CSF2RA: variants seen among roughly 807,000 people sequenced by gnomAD.
CSF2RA encodes granulocyte-macrophage colony-stimulating factor receptor subunit alpha.
A neutral mutation model predicts 51.6 loss-of-function variants in CSF2RA; 42 were observed. The ratio of observed to expected loss-of-function variants is 0.81; its 90% confidence interval spans 0.64 to 1.05. CSF2RA has a LOEUF of 1.05. Among genes scored for constraint, CSF2RA ranks in the 50% least tolerant of loss-of-function variants. CSF2RA has a pLI of 0.00. For missense variants in CSF2RA, 530 were observed against 501.1 expected, an observed-to-expected ratio of 1.06 and a Z score of -0.55; for synonymous variants, 222 against 193.0, an observed-to-expected ratio of 1.15 and a Z score of -1.24.
At chrX:1,324,024 A>G in the CSF2RA span, among the ~76,000 whole-genome samples, 1 of 151,892 alleles carries the variant, frequency 6.6e-6, no homozygotes, top group African/African-American at 2.4e-5. Context: ...AAAAAAAAAA[A>G]AATGCAAAAA....
intron 4 of CSF2RA, among the ~76,000 whole-genome samples, chrX:1,286,395 C>A (rs62603281): frequency 2.0e-5 from 3 of 151,658 alleles, no homozygotes; most frequent in Non-Finnish European, 4.4e-5. Context: ...ATGGTGAAAC[C>A]CCATCTCTAC....
At chrX:1,277,976 C>CAAA (rs1329295237) in intron 2 of CSF2RA, among the ~76,000 whole-genome samples, 1,685 of 104,998 alleles carry the variant, frequency 0.016, 54 homozygotes, top group African/African-American at 0.064. Flanking sequence ...GACTCAGTCT[C>CAAA]AAAAAAAAAA....
intron 9 of CSF2RA, among the ~76,000 whole-genome samples, chrX:1,299,335 T>C (rs1433241249): frequency 6.6e-6 from 1 of 152,152 alleles, no homozygotes; most frequent in Non-Finnish European, 1.5e-5. Flanking sequence ...GTCCGATGAG[T>C]ATGCTAGACT....
At chrX:1,283,163 CTTCG>C (rs1334444499) in intron 3 of CSF2RA, among the ~76,000 whole-genome samples, 306 of 28,222 alleles carry the variant, frequency 0.011, 5 homozygotes, top group East Asian at 0.027. Context: ...TCGTTCCTTC[CTTCG>C]TTCCTTCCTT....
At chrX:1,317,246 CTTT>C in the CSF2RA span, among the ~76,000 whole-genome samples, 4 of 57,828 alleles carry the variant, frequency 6.9e-5, no homozygotes, top group Admixed American at 9.1e-4. Flanking sequence ...CCACGCTCAG[CTTT>C]TTTTTTTTTT....
At chrX:1,283,734 AT>A (rs1172741391) in intron 3 of CSF2RA, among the ~76,000 whole-genome samples, 5 of 151,288 alleles carry the variant, frequency 3.3e-5, no homozygotes, top group Non-Finnish European at 5.9e-5. Context: ...GGCCCAGCTA[AT>A]TTTTTTGTAT....
At position 1,290,220 on chromosome X, in the gene CSF2RA, G is replaced by T. The variant is rs757326428; in HGVS notation, c.474-117G>T. On this transcript the variant is annotated intron_variant, in intron 6 of 12. Transcript: ENST00000381529. Reference sequence around the variant, plus strand: ...TTTTTTTGTTTTGTGTTTTTGTTTTGTGTTTTTGTGTTTTGTGTTTTTGTG... The same window carrying T: ...TTTTTTTGTTTTGTGTTTTTGTTTTTTGTTTTTGTGTTTTGTGTTTTTGTG... 685 of 767,588 alleles carry T rather than the reference G, an allele frequency of 8.9e-4. 9 individuals carry two copies. The South Asian group carries it at 0.011, about 12-fold the overall frequency. The allele number at this position is 767,588 out of a possible 1,614,324, so 47.5% of individuals were successfully genotyped here.
chrX:1,322,448 T>TTTG, the CSF2RA span, among the ~76,000 whole-genome samples: 1 of 149,036 alleles, frequency 6.7e-6, no homozygotes, highest in Non-Finnish European at 1.5e-5. Flanking sequence ...TGTTTTTTTT[T>TTTG]TTTTTTTTTT....
downstream of CSF2RA, among the ~76,000 whole-genome samples, chrX:1,314,463 G>T (rs1457998497): frequency 6.9e-6 from 1 of 145,696 alleles, no homozygotes; most frequent in South Asian, 2.1e-4. Context: ...CACTGCACCT[G>T]CCCAACCCCA....
downstream of CSF2RA, among the ~76,000 whole-genome samples, chrX:1,310,601 G>C (rs186931124): frequency 1.3e-5 from 2 of 150,658 alleles, no homozygotes; most frequent in Admixed American, 1.3e-4. Flanking sequence ...CCGGGAGGAG[G>C]AGGTTGCAGT....
chrX:1,305,233 C>T (rs757633106), intron 11 of CSF2RA, among the ~76,000 whole-genome samples: 4 of 151,968 alleles, frequency 2.6e-5, no homozygotes, highest in East Asian at 1.9e-4. Flanking sequence ...GTGATCCACC[C>T]GCCTCGGCCT....
chrX:1,316,279 TAGATA>T, the CSF2RA span, among the ~76,000 whole-genome samples: 1 of 145,832 alleles, frequency 6.9e-6, no homozygotes, highest in Admixed American at 6.9e-5. Context: ...GATAGATAGA[TAGATA>T]GATAGATAGA....
chrX:1,296,638 C>A lies in CSF2RA; in HGVS notation c.810+1182C>A, dbSNP rs1208670887. ...TCCTACCCATGACCCCTGGCGGAAC[C>A]CTACAGTCCCCTACTCACGACCCCT... On this transcript the variant is annotated intron_variant, in intron 9 of 12. Transcript: ENST00000381529. Among the ~76,000 whole-genome samples the A allele has an allele frequency of 6.9e-5, 3 of 43,436 alleles. No homozygotes were observed. In the East Asian group the frequency reaches 2.3e-3, roughly 33 times the overall value. 28.5% of individuals were successfully genotyped at this position (43,436 alleles called of 152,430 possible).
In CSF2RA at chrX:1,294,322, T is replaced by C. The variant is rs755616557; in HGVS notation, c.647-6T>C. On this transcript the variant is annotated splice_polypyrimidine_tract_variant and splice_region_variant and intron_variant, in intron 7 of 12. Coordinates refer to ENST00000381529, the MANE Select transcript of CSF2RA (RefSeq NM_172245.4). ...TTCAGGGGTGTGTCCTGCGCCCTCGTTACAGAACGATTCAACCCTCCCAGC... is the reference window on the plus strand; with the variant it reads ...TTCAGGGGTGTGTCCTGCGCCCTCGCTACAGAACGATTCAACCCTCCCAGC... 3 of 1,613,042 alleles carry C rather than the reference T, an allele frequency of 1.9e-6. No homozygotes were observed. The East Asian group carries it at 6.7e-5, about 36-fold the overall frequency.
In CSF2RA at chrX:1,299,939, C is replaced by T. The variant is rs113179510; in HGVS notation, c.811-552C>T. Among the ~76,000 whole-genome samples, 635 of 151,210 alleles carry T rather than the reference C, an allele frequency of 4.2e-3. 5 individuals carry two copies. Among genetic ancestry groups the T allele is most frequent in the African/African-American group, 0.015 (603 of 41,180 alleles). On this transcript the variant is annotated intron_variant, in intron 9 of 12. Transcript: ENST00000381529. ...TCAAATAAAATAAAATAAAAGAGGCCGGGCGTGGTGGCTCATGCCTGTAAT... is the reference window on the plus strand; with the variant it reads ...TCAAATAAAATAAAATAAAAGAGGCTGGGCGTGGTGGCTCATGCCTGTAAT...
rs759143148 is a variant in CSF2RA at position 1,307,605 on chromosome X, G to C, written c.1126-1797G>C. On this transcript the variant is annotated intron_variant, in intron 12 of 12. Coordinates refer to ENST00000381529, the MANE Select transcript of CSF2RA (RefSeq NM_172245.4). Reference sequence around the variant, plus strand: ...CCCACCCTTCCCCCTTCAGCCTTTCGACTGATTAGATGAGGCCCACCCTCC... The same window carrying C: ...CCCACCCTTCCCCCTTCAGCCTTTCCACTGATTAGATGAGGCCCACCCTCC... 2.4e-5 allele frequency among the ~76,000 whole-genome samples: 3 copies of C among 124,306 alleles called. No individual in the cohort carries two copies. In the East Asian group the frequency reaches 6.8e-4, roughly 28 times the overall value. The allele number at this position is 124,306 out of a possible 152,430, so 81.5% of individuals were successfully genotyped here.
intron 8 of CSF2RA, 76 bp downstream of exon 8, chrX:1,294,537 C>T: frequency 6.3e-7 from 1 of 1,594,634 alleles, no homozygotes; most frequent in Non-Finnish European, 8.6e-7. Context: ...CCTGGGAATC[C>T]CGGGGAAGTG....
At chrX:1,281,046 C>T (rs2089947145) in intron 2 of CSF2RA, among the ~76,000 whole-genome samples, 1 of 35,578 alleles carries the variant, frequency 2.8e-5, no homozygotes, top group African/African-American at 7.5e-5. Context: ...CATTCTCCTC[C>T]TGCTCCCCTT....
chrX:1,308,862 C>G (rs1299389448), intron 12 of CSF2RA, among the ~76,000 whole-genome samples: 1 of 152,180 alleles, frequency 6.6e-6, no homozygotes, highest in Non-Finnish European at 1.5e-5. Context: ...CTCACAAGCT[C>G]TTCCAAAGAC....
Sources: allele counts gnomAD v4.1 joint callset (sites outside exome capture counted in the v4.1 genomes callset), GRCh38; gene constraint gnomAD v4.1.1; transcripts MANE v1.5; gene names NCBI Gene and HGNC (gene_info 2026-07-23, HGNC 2026-07-21).